Variants in GOLGA7B observed in about 807,000 individuals in gnomAD.
GOLGA7B encodes golgin A7 family member B, also known as golgin subfamily A member 7B.
GOLGA7B carries 17 observed loss-of-function variants against 21.5 expected under a neutral mutation model. The observed-to-expected ratio is 0.79, with a 90% CI of 0.54 to 1.19. The LOEUF is 1.19. Ranked by LOEUF, GOLGA7B falls within the 50% of genes most tolerant of loss-of-function variation. The pLI is 0.00. For synonymous variants in GOLGA7B, 87 were observed against 84.0 expected (o/e 1.04, Z -0.19); for missense variants, 169 against 224.4 (o/e 0.75, Z 1.58).
At chr10:97,862,327 C>T (rs998026557) in intron 2 of GOLGA7B, among the ~76,000 whole-genome samples, 1 of 152,268 alleles carries the variant, frequency 6.6e-6, no homozygotes, top group African/African-American at 2.4e-5. Context: ...GGGTGCCTGT[C>T]CCCTGCACAG....
Position 97,850,334 on chromosome 10 carries a change from C to A in GOLGA7B, c.12+19C>A. The A allele has an allele frequency of 6.6e-7, 1 of 1,512,570 alleles. No individual in the cohort carries two copies. The highest frequency in any genetic ancestry group is 8.8e-7 in the Non-Finnish European group (1 of 1,130,640). The allele number at this position is 1,512,570 out of a possible 1,614,324, so 93.7% of individuals were successfully genotyped here. A position where few individuals can be genotyped will look rare whatever the true frequency, so the allele number is the denominator to read the frequency against. ...CACCGAGGTAGGGGCGAGCGCCCCA[C>A]CCGCAGGCAGTGCCCGATTGCCGCG... On this transcript the variant is annotated intron_variant, in intron 1 of 4. Transcript: ENST00000370602.
intron 1 of GOLGA7B, among the ~76,000 whole-genome samples, chr10:97,859,107 G>A (rs1479432959): frequency 6.6e-6 from 1 of 152,242 alleles, no homozygotes. Context: ...AGGCTGGAGT[G>A]CAGTGGTGCA....
rs763398936 is a variant in GOLGA7B at position 97,864,130 on chromosome 10, G to A, written c.292-38G>A. The A allele has an allele frequency of 1.4e-5, 22 of 1,614,050 alleles. No homozygotes were observed. The African/African-American group carries it at 2.0e-4, about 15-fold the overall frequency. ...GCATCCCTTCCCTCAGGGCTGCCCT[G>A]TGGCATGCTCATCCTTGTCTGGCTC... On this transcript the variant is annotated intron_variant, in intron 3 of 4. Coordinates refer to ENST00000370602, the MANE Select transcript of GOLGA7B (RefSeq NM_001010917.3).
At position 97,866,022 on chromosome 10, in the gene GOLGA7B, A is replaced by G; in HGVS notation, c.*322A>G. 2.8e-6 allele frequency: 1 copy of G among 359,854 alleles called. No homozygotes were observed. The highest frequency in any genetic ancestry group is 5.0e-6 in the Non-Finnish European group (1 of 198,332). 22.3% of individuals were successfully genotyped at this position (359,854 alleles called of 1,614,324 possible). On this transcript the variant is annotated 3_prime_UTR_variant, in exon 5 of 5. Transcript: ENST00000370602. ...ACAACCTAGGCGGCCCCTCTCTTCCACAGCCCCTCTCCCAACCCTGCGAGG... is the reference window on the plus strand; with the variant it reads ...ACAACCTAGGCGGCCCCTCTCTTCCGCAGCCCCTCTCCCAACCCTGCGAGG...
rs1053014893 is a variant in GOLGA7B at position 97,869,650 on chromosome 10, C to T, written c.*3950C>T. On this transcript the variant is annotated 3_prime_UTR_variant, in exon 5 of 5. Transcript: ENST00000370602. ...CACTGAGTGGCAGGATTATGCACTG[C>T]ACTCGGGGAATCAAAGGTGGAGACA... 6.6e-6 allele frequency: 1 copy of T among 152,306 alleles called. No individual in the cohort carries two copies. The allele number at this position is 152,306 out of a possible 1,614,324, so 9.4% of individuals were successfully genotyped here.
At chr10:97,850,898 C>T (rs1053143792) in intron 1 of GOLGA7B, among the ~76,000 whole-genome samples, 4 of 150,934 alleles carry the variant, frequency 2.7e-5, no homozygotes, top group Non-Finnish European at 5.9e-5. Flanking sequence ...TCCAGATTTC[C>T]CCTCCATCTG....
At chr10:97,852,442 C>T (rs1398488812) in intron 1 of GOLGA7B, among the ~76,000 whole-genome samples, 1 of 152,092 alleles carries the variant, frequency 6.6e-6, no homozygotes, top group East Asian at 1.9e-4. Flanking sequence ...ACAATTTGGC[C>T]TTGGGTGGAC....
intron 1 of GOLGA7B, among the ~76,000 whole-genome samples, chr10:97,854,879 T>C (rs1190937669): frequency 6.6e-6 from 1 of 152,202 alleles, no homozygotes; most frequent in Non-Finnish European, 1.5e-5. Flanking sequence ...GATTCAGTGA[T>C]TCAGGGACCA....
chr10:97,865,425 T>C lies in GOLGA7B; in HGVS notation c.394-165T>C, dbSNP rs114355950. The C allele has an allele frequency of 2.0e-3, 2,357 of 1,193,634 alleles. 41 individuals carry two copies. The African/African-American group carries it at 0.029, about 15-fold the overall frequency. The allele number at this position is 1,193,634 out of a possible 1,614,324, so 73.9% of individuals were successfully genotyped here. ...CTAATTGTTAGCTAAGTAATGTGCATGGATGGGCTTGGGGAGGGTCTAGCT... is the reference window on the plus strand; with the variant it reads ...CTAATTGTTAGCTAAGTAATGTGCACGGATGGGCTTGGGGAGGGTCTAGCT... On this transcript the variant is annotated intron_variant, in intron 4 of 4. Coordinates refer to ENST00000370602, the MANE Select transcript of GOLGA7B (RefSeq NM_001010917.3).
Position 97,850,381 on chromosome 10 carries a change from G to C in GOLGA7B, c.12+66G>C, listed in dbSNP as rs74920985. 1.4e-3 allele frequency: 2,035 copies of C among 1,430,992 alleles called. 34 individuals are homozygous for C. The African/African-American group carries it at 0.026, about 18-fold the overall frequency. 88.6% of individuals were successfully genotyped at this position (1,430,992 alleles called of 1,614,324 possible). On this transcript the variant is annotated intron_variant, in intron 1 of 4. Transcript: ENST00000370602. ...CGCGGGACCAAATGCCCTAGGGGTG[G>C]GCTGGGCAGGAGTGGGAGGCGGGAG...
rs1381953064 is a variant in GOLGA7B at position 97,871,049 on chromosome 10, T to TA, written c.*5349_*5350insA. 6.6e-6 allele frequency: 1 copy of TA among 152,200 alleles called. No homozygotes were observed. The highest frequency in any genetic ancestry group is 2.4e-5 in the African/African-American group (1 of 41,452). 9.4% of individuals were successfully genotyped at this position (152,200 alleles called of 1,614,324 possible). On this transcript the variant is annotated 3_prime_UTR_variant, in exon 5 of 5. Transcript: ENST00000370602. ...AAAGAGATGCTTGGTAATGTCGGTT[T>TA]CTTTCCTTCCTTTCAGAGCCCAGCC...
chr10:97,852,237 T>C (rs2049909748), intron 1 of GOLGA7B, among the ~76,000 whole-genome samples: 1 of 152,168 alleles, frequency 6.6e-6, no homozygotes, highest in Non-Finnish European at 1.5e-5. Context: ...GCCTATTGTG[T>C]CACCTGATAG....
Position 97,868,094 on chromosome 10 carries a change from AG to A in GOLGA7B, c.*2395del, listed in dbSNP as rs1429682457. ...GGTCACTCAGTACTGAAGATGAGAA[AG>A]TAGCTGGATGATCACTTCTCGGCCT... On this transcript the variant is annotated 3_prime_UTR_variant, in exon 5 of 5. Coordinates refer to ENST00000370602, the MANE Select transcript of GOLGA7B (RefSeq NM_001010917.3). The A allele has an allele frequency of 6.6e-6, 1 of 152,278 alleles. No individual in the cohort carries two copies. The highest frequency in any genetic ancestry group is 1.5e-5 in the Non-Finnish European group (1 of 68,050). 9.4% of individuals were successfully genotyped at this position (152,278 alleles called of 1,614,324 possible).
chr10:97,862,072 C>A (rs2049974725), intron 2 of GOLGA7B, among the ~76,000 whole-genome samples: 1 of 152,216 alleles, frequency 6.6e-6, no homozygotes, highest in African/African-American at 2.4e-5. Context: ...TATTTTGACA[C>A]TGTGACACCT....
Position 97,869,015 on chromosome 10 carries a change from G to A in GOLGA7B, c.*3315G>A, listed in dbSNP as rs2050060618. On this transcript the variant is annotated 3_prime_UTR_variant, in exon 5 of 5. Coordinates refer to ENST00000370602, the MANE Select transcript of GOLGA7B (RefSeq NM_001010917.3). ...GGAAACTGAGGCTCATGGACGTTAA[G>A]TAACTGGGAAATTGCAGATCTTGGC... 6.6e-6 allele frequency: 1 copy of A among 152,246 alleles called. No individual in the cohort carries two copies. The highest frequency in any genetic ancestry group is 2.1e-4 in the South Asian group (1 of 4,830). 9.4% of individuals were successfully genotyped at this position (152,246 alleles called of 1,614,324 possible). A position where few individuals can be genotyped will look rare whatever the true frequency, so the allele number is the denominator to read the frequency against.
intron 2 of GOLGA7B, among the ~76,000 whole-genome samples, chr10:97,861,642 C>G (rs2049971736): frequency 1.3e-5 from 2 of 152,346 alleles, no homozygotes; most frequent in Admixed American, 1.3e-4. Context: ...TAGAGTGGGC[C>G]TGGGACTGGG....
Position 97,864,052 on chromosome 10 carries a change from C to T in GOLGA7B, c.261C>T (p.Ile87=). 2 of 1,614,202 alleles carry T rather than the reference C, an allele frequency of 1.2e-6. No homozygotes were observed. Among genetic ancestry groups the T allele is most frequent in the Non-Finnish European group, 1.7e-6 (2 of 1,180,018 alleles). ...GCLACATAYF[I]FLCMETHYEK... ...TGGCCTGCGCCACGGCCTACTTCAT[C>T]TTCCTCTGCATGGAGACCCACTATG... The change falls in exon 3 of 5, where the codon ATC becomes ATT. Residue 87 remains isoleucine, a synonymous_variant. Transcript: ENST00000370602.
intron 1 of GOLGA7B, among the ~76,000 whole-genome samples, chr10:97,857,194 T>G (rs1395445138): frequency 2.0e-5 from 3 of 152,218 alleles, no homozygotes; most frequent in Non-Finnish European, 2.9e-5. Flanking sequence ...TCGTCTAGAA[T>G]TTTTACAGTT....
rs1337790465 is a variant in GOLGA7B, at chr10:97,849,868, G to C, written c.-436G>C. 1 of 151,940 alleles carries C rather than the reference G, an allele frequency of 6.6e-6. No homozygotes were observed. The highest frequency in any genetic ancestry group is 1.9e-4 in the East Asian group (1 of 5,160). The allele number at this position is 151,940 out of a possible 1,614,324, so 9.4% of individuals were successfully genotyped here. ...GGGGCGGTAGCCGAGCCTGTGGCCCGGGCGGGGCTCCTCTCCGGCGGCGCC... is the reference window on the plus strand; with the variant it reads ...GGGGCGGTAGCCGAGCCTGTGGCCCCGGCGGGGCTCCTCTCCGGCGGCGCC... On this transcript the variant is annotated 5_prime_UTR_variant, in exon 1 of 5. Transcript: ENST00000370602.
Sources: gnomAD v4.1 joint callset for allele counts (sites outside exome capture counted in the v4.1 genomes callset) on GRCh38, gnomAD v4.1.1 for gene constraint, MANE v1.5 for transcripts, NCBI Gene and HGNC (gene_info 2026-07-23, HGNC 2026-07-21) for gene names.